Variants in UBE2D4 observed in about 807,000 individuals in gnomAD.
The protein encoded by UBE2D4 is ubiquitin conjugating enzyme E2 D4.
In UBE2D4, 17 loss-of-function variants were observed where a neutral mutation model predicts 23.0. That is an observed-to-expected ratio of 0.74 (90% CI 0.51 to 1.11). The LOEUF is 1.11. Ranked by LOEUF, UBE2D4 falls within the 50% of genes least tolerant of loss-of-function variation. The pLI, the probability that UBE2D4 is intolerant of heterozygous loss-of-function variation, is 0.00. For synonymous variants in UBE2D4, 61 were observed against 69.4 expected (o/e 0.88, Z 0.60); for missense variants, 139 against 181.8 (o/e 0.76, Z 1.35).
Position 43,955,854 on chromosome 7 carries a change from G to A in UBE2D4, c.*3159G>A, listed in dbSNP as rs1219895471. 3 of 151,966 alleles carry A rather than the reference G, an allele frequency of 2.0e-5. No homozygotes were observed. Among genetic ancestry groups the A allele is most frequent in the Non-Finnish European group, 4.4e-5 (3 of 68,054 alleles). The allele number at this position is 151,966 out of a possible 1,614,324, so 9.4% of individuals were successfully genotyped here. A position where few individuals can be genotyped will look rare whatever the true frequency, so the allele number is the denominator to read the frequency against. The stretch of plus-strand genomic sequence containing the variant: ...GTTGGGAAAGTTCTGGACCTCTACT[G>A]GATCTAGCCATAAATGGTGGTCTTC... On this transcript the variant is annotated 3_prime_UTR_variant, in exon 7 of 7. Coordinates refer to ENST00000222402, the MANE Select transcript of UBE2D4 (RefSeq NM_015983.4).
intron 1 of UBE2D4, among the ~76,000 whole-genome samples, chr7:43,928,751 C>T (rs779315783): frequency 1.6e-4 from 24 of 152,004 alleles, no homozygotes; most frequent in Non-Finnish European, 3.2e-4. Context: ...AGGAGGTGTA[C>T]AAAATGGGTC....
chr7:43,936,508 G>C (rs1467581118), intron 1 of UBE2D4, among the ~76,000 whole-genome samples: 3 of 151,932 alleles, frequency 2.0e-5, no homozygotes, highest in African/African-American at 7.3e-5. Context: ...TATATTTAAT[G>C]ATTTGGTAAT....
At chr7:43,942,016 G>C (rs1260155703) in intron 2 of UBE2D4, 1 of 152,180 alleles carries the variant, frequency 6.6e-6, no homozygotes, top group Non-Finnish European at 1.5e-5. Flanking sequence ...TCTTTGTTTG[G>C]CTGGAAGCTT....
chr7:43,926,580 C>T lies in UBE2D4; in HGVS notation c.24+24C>T, dbSNP rs751298381. 1.6e-5 allele frequency: 25 copies of T among 1,562,660 alleles called. No individual in the cohort carries two copies. The Middle Eastern group carries it at 8.4e-4, about 53-fold the overall frequency. The stretch of plus-strand genomic sequence containing the variant: ...AGGTACGCACTTTCCCACCCTCCAA[C>T]TCTTTGGGTGTCCGAAGCGTCGAGG... On this transcript the variant is annotated intron_variant, in intron 1 of 6. Transcript: ENST00000222402.
chr7:43,928,599 T>C (rs1204917774), intron 1 of UBE2D4, among the ~76,000 whole-genome samples: 1 of 152,228 alleles, frequency 6.6e-6, no homozygotes, highest in Admixed American at 6.5e-5. Flanking sequence ...AGAGGGAGAC[T>C]AGAGGCTGTT....
intron 1 of UBE2D4, among the ~76,000 whole-genome samples, chr7:43,937,417 C>G (rs2095960832): frequency 6.6e-6 from 1 of 152,224 alleles, no homozygotes; most frequent in African/African-American, 2.4e-5. Context: ...TGTATGACCT[C>G]ACTTGTTCCC....
chr7:43,942,947 C>G lies in UBE2D4; in HGVS notation c.121-7C>G. ...CACTGATCTCTTTCTGTGTCTCATCCTTCCAGAATGACAGTCCTTACCAAG... is the reference window on the plus strand; with the variant it reads ...CACTGATCTCTTTCTGTGTCTCATCGTTCCAGAATGACAGTCCTTACCAAG... On this transcript the variant is annotated splice_polypyrimidine_tract_variant and splice_region_variant and intron_variant, in intron 3 of 6. Transcript: ENST00000222402. The G allele has an allele frequency of 6.2e-7, 1 of 1,614,192 alleles. No homozygotes were observed. Among genetic ancestry groups the G allele is most frequent in the Admixed American group, 1.7e-5 (1 of 60,022 alleles).
intron 6 of UBE2D4, chr7:43,952,006 ATCTC>A (rs772142561): frequency 6.6e-6 from 1 of 152,230 alleles, no homozygotes; most frequent in African/African-American, 2.4e-5. Flanking sequence ...GTAACTATAA[ATCTC>A]TCTAATTTAT....
chr7:43,949,906 G>C (rs1019848210), intron 5 of UBE2D4, among the ~76,000 whole-genome samples: 1 of 152,070 alleles, frequency 6.6e-6, no homozygotes, highest in Non-Finnish European at 1.5e-5. Flanking sequence ...CCAGGGTGGA[G>C]TGCAATGGCG....
intron 5 of UBE2D4, among the ~76,000 whole-genome samples, chr7:43,949,551 GC>G (rs1209101798): frequency 6.6e-6 from 1 of 152,168 alleles, no homozygotes; most frequent in Non-Finnish European, 1.5e-5. Context: ...AGGCAAACCT[GC>G]CCCTGTCATT....
In UBE2D4 at chr7:43,948,515, G is replaced by A; in HGVS notation, c.199-117G>A. 3 of 676,178 alleles carry A rather than the reference G, an allele frequency of 4.4e-6. No individual in the cohort carries two copies. The South Asian group carries it at 5.3e-5, about 12-fold the overall frequency. 41.9% of individuals were successfully genotyped at this position (676,178 alleles called of 1,614,324 possible). A position where few individuals can be genotyped will look rare whatever the true frequency, so the allele number is the denominator to read the frequency against. ...GGGGTCTGGCTTAGCCTGCACTGTGGGGCCAGGTATGCAGCACACTCCAGG... is the reference window on the plus strand; with the variant it reads ...GGGGTCTGGCTTAGCCTGCACTGTGAGGCCAGGTATGCAGCACACTCCAGG... On this transcript the variant is annotated intron_variant, in intron 4 of 6. Transcript: ENST00000222402.
chr7:43,929,899 TA>T (rs2095941779), intron 1 of UBE2D4, among the ~76,000 whole-genome samples: 1 of 152,128 alleles, frequency 6.6e-6, no homozygotes, highest in Non-Finnish European at 1.5e-5. Flanking sequence ...GGGCCACCAC[TA>T]GTTAGGATGT....
At position 43,932,984 on chromosome 7, in the gene UBE2D4, G is replaced by GTATATA. The variant is rs57093593; in HGVS notation, c.25-5422_25-5417dup. Among the ~76,000 whole-genome samples the GTATATA allele has an allele frequency of 6.7e-3, 571 of 85,794 alleles. 16 individuals carry two copies. The highest frequency in any genetic ancestry group is 0.021 in the Middle Eastern group (3 of 144). The allele number at this position is 85,794 out of a possible 152,430, so 56.3% of individuals were successfully genotyped here. A position where few individuals can be genotyped will look rare whatever the true frequency, so the allele number is the denominator to read the frequency against. ...CCTCCTGGGGGCAACAAATGTTAAA[G>GTATATA]TATATATATATATATATATATATAT... On this transcript the variant is annotated intron_variant, in intron 1 of 6. Coordinates refer to ENST00000222402, the MANE Select transcript of UBE2D4 (RefSeq NM_015983.4).
intron 4 of UBE2D4, chr7:43,943,485 C>T (rs1469856211): frequency 4.7e-6 from 1 of 214,362 alleles, no homozygotes; most frequent in Non-Finnish European, 9.4e-6. Context: ...CAGGGTATTC[C>T]AGGGATTCCC....
chr7:43,937,734 G>A (rs2095961621), intron 1 of UBE2D4, among the ~76,000 whole-genome samples: 1 of 152,172 alleles, frequency 6.6e-6, no homozygotes, highest in Admixed American at 6.5e-5. Flanking sequence ...AGAGACATAT[G>A]GTGAAATCAG....
At chr7:43,931,358 C>T (rs2132752040) in intron 1 of UBE2D4, among the ~76,000 whole-genome samples, 1 of 152,122 alleles carries the variant, frequency 6.6e-6, no homozygotes, top group South Asian at 2.1e-4. Context: ...GGAAGGATCG[C>T]TTGAGCCAGA....
chr7:43,936,594 G>A (rs897070964), intron 1 of UBE2D4, among the ~76,000 whole-genome samples: 1 of 152,170 alleles, frequency 6.6e-6, no homozygotes, highest in African/African-American at 2.4e-5. Context: ...TAGCCATCCA[G>A]TTCCCCTCCT....
intron 6 of UBE2D4, 40 bp from the exon 7 acceptor site, chr7:43,952,610 T>C: frequency 6.3e-7 from 1 of 1,584,856 alleles, no homozygotes; most frequent in South Asian, 1.1e-5. Context: ...AAGTGACCAT[T>C]TCAAGTGAGG....
At chr7:43,928,164 A>G in intron 1 of UBE2D4, 1 of 391,930 alleles carries the variant, frequency 2.6e-6, no homozygotes, top group South Asian at 1.9e-5. Context: ...CAGATCTCAC[A>G]TGAACTAATA....
Sources: gnomAD v4.1 joint callset for allele counts (sites outside exome capture counted in the v4.1 genomes callset) on GRCh38, gnomAD v4.1.1 for gene constraint, MANE v1.5 for transcripts, NCBI Gene and HGNC (gene_info 2026-07-23, HGNC 2026-07-21) for gene names.